Variants in RAB27B observed in about 807,000 individuals in gnomAD.
RAB27B encodes RAB27B, member RAS oncogene family.
A neutral mutation model predicts 24.6 loss-of-function variants in RAB27B; 15 were observed. That is an observed-to-expected ratio of 0.61 (90% CI 0.41 to 0.94). The LOEUF (loss-of-function observed/expected upper bound fraction) is 0.94, where lower values mean the gene tolerates loss of function less well. Among genes scored for constraint, RAB27B ranks in the 40% least tolerant of loss-of-function variants. The probability of loss-of-function intolerance (pLI) is 0.00; values close to 1 mark genes in which losing one functional copy is unlikely to be tolerated. For synonymous variants in RAB27B, 105 were observed against 92.5 expected (o/e 1.14, Z -0.78); for missense variants, 261 against 266.8 (o/e 0.98, Z 0.15).
chr18:54,867,741 G>A (rs993262873), intron 1 of RAB27B, among the ~76,000 whole-genome samples: 4 of 152,050 alleles, frequency 2.6e-5, no homozygotes, highest in African/African-American at 9.7e-5. Context: ...CACCATGCCC[G>A]GCCACCTGGT....
At chr18:54,829,706 A>G (rs1227115441) in intron 1 of RAB27B, among the ~76,000 whole-genome samples, 1 of 152,202 alleles carries the variant, frequency 6.6e-6, no homozygotes, top group African/African-American at 2.4e-5. Flanking sequence ...GAGGGAAAGG[A>G]TAGACTTAAG....
At chr18:54,763,297 C>CT (rs910920248) in intron 2 of RAB27B, among the ~76,000 whole-genome samples, 1 of 151,770 alleles carries the variant, frequency 6.6e-6, no homozygotes, top group African/African-American at 2.4e-5. Context: ...ATATATATGT[C>CT]TATGTGTTTG....
upstream of RAB27B, among the ~76,000 whole-genome samples, chr18:54,823,726 C>G (rs1351863260): frequency 6.6e-6 from 1 of 152,166 alleles, no homozygotes; most frequent in African/African-American, 2.4e-5. Context: ...ACTTTCTCCA[C>G]TGCTTATAGA....
chr18:54,746,938 C>G (rs1254629494), intron 2 of RAB27B, among the ~76,000 whole-genome samples: 2 of 152,082 alleles, frequency 1.3e-5, no homozygotes, highest in Non-Finnish European at 2.9e-5. Context: ...AGAATTCTGG[C>G]TTAGGGGCTA....
At chr18:54,821,146 C>T (rs1398653039) in intron 2 of RAB27B, among the ~76,000 whole-genome samples, 3 of 152,162 alleles carry the variant, frequency 2.0e-5, no homozygotes, top group African/African-American at 7.2e-5. Flanking sequence ...CCCATCATCT[C>T]AGCCCAAAAT....
Position 54,813,834 on chromosome 18 carries a change from A to AT in RAB27B, c.-19-63725dup, listed in dbSNP as rs960665312. Among the ~76,000 whole-genome samples, 13 of 152,120 alleles carry AT rather than the reference A, an allele frequency of 8.5e-5. 1 individual carries two copies. Among genetic ancestry groups the AT allele is most frequent in the East Asian group, 1.9e-4 (1 of 5,184 alleles). On this transcript the variant is annotated intron_variant, in intron 2 of 4. Coordinates refer to the RAB27B transcript ENST00000586570. The stretch of plus-strand genomic sequence containing the variant: ...TATACTTCAACATCCCCAGGTTATC[A>AT]TTTTTTTTAATGGAGAAAGAAGATA...
Position 54,872,625 on chromosome 18 carries a change from T to TAA in RAB27B, c.-19-4928_-19-4927dup, listed in dbSNP as rs67765103. ...GGGCAAGAAGAGTGAAACTCTGCCTTAAAAAAAAAAAAAAAGAAAAAAGAA... is the reference window on the plus strand; with the variant it reads ...GGGCAAGAAGAGTGAAACTCTGCCTTAAAAAAAAAAAAAAAAAGAAAAAAGAA... On this transcript the variant is annotated intron_variant, in intron 1 of 5. Coordinates refer to ENST00000262094, the MANE Select transcript of RAB27B (RefSeq NM_004163.4). Among the ~76,000 whole-genome samples the TAA allele has an allele frequency of 1.9e-3, 268 of 137,576 alleles. 4 individuals are homozygous for TAA. The highest frequency in any genetic ancestry group is 0.013 in the Admixed American group (183 of 13,650). The allele number at this position is 137,576 out of a possible 152,430, so 90.3% of individuals were successfully genotyped here.
intron 2 of RAB27B, among the ~76,000 whole-genome samples, chr18:54,740,592 C>T (rs1910040813): frequency 6.6e-6 from 1 of 152,170 alleles, no homozygotes; most frequent in African/African-American, 2.4e-5. Flanking sequence ...GTCACTTTCT[C>T]TCAAGTAGAA....
chr18:54,789,987 T>C (rs1050414042), intron 2 of RAB27B, among the ~76,000 whole-genome samples: 3 of 152,130 alleles, frequency 2.0e-5, no homozygotes, highest in African/African-American at 7.2e-5. Flanking sequence ...GATCCATCAA[T>C]TCATTCAAAA....
At position 54,889,664 on chromosome 18, in the gene RAB27B, T is replaced by C. The variant is rs1166700310; in HGVS notation, c.*251T>C. On this transcript the variant is annotated 3_prime_UTR_variant, in exon 6 of 6. Transcript: ENST00000262094. ...TCATCATCATGGATACTCAATTTGT[T>C]TTTTCTTATAGAGAAAATGAGTATA... 3.0e-6 allele frequency: 1 copy of C among 333,000 alleles called. No homozygotes were observed. The highest frequency in any genetic ancestry group is 5.4e-6 in the Non-Finnish European group (1 of 184,432). 20.6% of individuals were successfully genotyped at this position (333,000 alleles called of 1,614,324 possible). A position where few individuals can be genotyped will look rare whatever the true frequency, so the allele number is the denominator to read the frequency against.
chr18:54,859,504 A>G (rs1911927285), intron 1 of RAB27B, among the ~76,000 whole-genome samples: 1 of 150,798 alleles, frequency 6.6e-6, no homozygotes, highest in Non-Finnish European at 1.5e-5. Context: ...AAAAAAAATC[A>G]CCTATTCGAA....
At chr18:54,741,080 C>T (rs370307031) in intron 2 of RAB27B, among the ~76,000 whole-genome samples, 140 of 152,126 alleles carry the variant, frequency 9.2e-4, no homozygotes, top group African/African-American at 3.2e-3. Context: ...CATACAAAAC[C>T]TAAGAGGCAA....
At chr18:54,834,940 A>G (rs920474144) in intron 1 of RAB27B, among the ~76,000 whole-genome samples, 2 of 151,854 alleles carry the variant, frequency 1.3e-5, no homozygotes, top group African/African-American at 4.9e-5. Context: ...ATTAAATCTG[A>G]CCTGAGGGAT....
chr18:54,816,045 T>G (rs1327731565), intron 2 of RAB27B, among the ~76,000 whole-genome samples: 1 of 152,244 alleles, frequency 6.6e-6, no homozygotes, highest in Non-Finnish European at 1.5e-5. Flanking sequence ...TCAACTGGCT[T>G]AATATAGTTT....
chr18:54,880,841 C>A (rs1049301688), intron 3 of RAB27B: 2 of 152,126 alleles, frequency 1.3e-5, no homozygotes, highest in Non-Finnish European at 2.9e-5. Flanking sequence ...ATACTCAGGG[C>A]AGGCTTCAGA....
chr18:54,844,819 T>G (rs1911264044), intron 1 of RAB27B, among the ~76,000 whole-genome samples: 1 of 152,256 alleles, frequency 6.6e-6, no homozygotes, highest in South Asian at 2.1e-4. Flanking sequence ...AAATTTCACA[T>G]GTTTATTTTC....
At chr18:54,762,067 G>A (rs549516975) in intron 2 of RAB27B, among the ~76,000 whole-genome samples, 28 of 152,314 alleles carry the variant, frequency 1.8e-4, no homozygotes, top group African/African-American at 6.5e-4. Context: ...AGAGATTGGA[G>A]TAATGCGTCT....
chr18:54,785,070 A>T (rs1322229578), intron 2 of RAB27B, among the ~76,000 whole-genome samples: 1 of 150,620 alleles, frequency 6.6e-6, no homozygotes, highest in Non-Finnish European at 1.5e-5. Flanking sequence ...TTCCTGCCTC[A>T]GGGCCTTTGT....
chr18:54,880,778 C>A (rs543932969), intron 3 of RAB27B: 4 of 152,170 alleles, frequency 2.6e-5, no homozygotes, highest in Non-Finnish European at 4.4e-5. Context: ...TGCATGATGG[C>A]AGCCTTCTCT....
Sources: gnomAD v4.1 joint callset for allele counts (sites outside exome capture counted in the v4.1 genomes callset) on GRCh38, gnomAD v4.1.1 for gene constraint, MANE v1.5 for transcripts, NCBI Gene and HGNC (gene_info 2026-07-23, HGNC 2026-07-21) for gene names.